NR1D2: variants seen among roughly 807,000 people sequenced by gnomAD.
The protein encoded by NR1D2 is nuclear receptor subfamily 1 group D member 2.
In NR1D2, 25 loss-of-function variants were observed where a neutral mutation model predicts 52.2. The ratio of observed to expected loss-of-function variants is 0.48; its 90% CI spans 0.35 to 0.67. The LOEUF (loss-of-function observed/expected upper bound fraction) is 0.67. Ranked by LOEUF, NR1D2 falls within the 30% of genes least tolerant of loss-of-function variation. The pLI is 0.01. For synonymous variants in NR1D2, 259 were observed against 230.1 expected (o/e 1.13, Z -1.14); for missense variants, 681 against 707.2 (o/e 0.96, Z 0.42).
In NR1D2 at chr3:23,950,600, G is replaced by A. The variant is rs1362000556; in HGVS notation, c.17-3937G>A. Reference sequence around the variant, plus strand: ...AGATGGGTGTCTAGTAGCAAGAATAGATGCCAAGACAACTAAATCAATATT... The same window carrying A: ...AGATGGGTGTCTAGTAGCAAGAATAAATGCCAAGACAACTAAATCAATATT... On this transcript the variant is annotated intron_variant, in intron 1 of 7. Coordinates refer to ENST00000312521, the MANE Select transcript of NR1D2 (RefSeq NM_005126.5). 2.0e-5 allele frequency among the ~76,000 whole-genome samples: 3 copies of A among 152,212 alleles called. No homozygotes were observed. In the East Asian group the frequency reaches 5.8e-4, roughly 29 times the overall value.
intron 1 of NR1D2, among the ~76,000 whole-genome samples, chr3:23,948,147 G>C (rs1301673175): frequency 6.6e-6 from 1 of 151,232 alleles, no homozygotes; most frequent in Non-Finnish European, 1.5e-5. Flanking sequence ...TTTAACTTTC[G>C]AATTTTTGTA....
intron 7 of NR1D2, among the ~76,000 whole-genome samples, chr3:23,972,044 G>A (rs960909949): frequency 2.0e-4 from 30 of 152,150 alleles, no homozygotes; most frequent in African/African-American, 4.6e-4. Flanking sequence ...TCTATTAATT[G>A]TTTAGAATTA....
At chr3:23,947,753 C>G (rs910654758) in intron 1 of NR1D2, among the ~76,000 whole-genome samples, 1 of 152,148 alleles carries the variant, frequency 6.6e-6, no homozygotes, top group Non-Finnish European at 1.5e-5. Context: ...AAGTTCAAAG[C>G]TGTTACAAGC....
chr3:23,953,369 AAATG>A (rs1228954010), intron 1 of NR1D2, among the ~76,000 whole-genome samples: 74 of 149,056 alleles, frequency 5.0e-4, no homozygotes, highest in African/African-American at 1.7e-3. Flanking sequence ...AAAAAAAAAA[AAATG>A]CCAGTTTTCA....
rs761072035 is a variant in NR1D2 at position 23,962,576 on chromosome 3, C to T, written c.1117C>T (p.Leu373=). 2.2e-5 allele frequency: 35 copies of T among 1,606,350 alleles called. No individual in the cohort carries two copies. Among genetic ancestry groups the T allele is most frequent in the Non-Finnish European group, 2.7e-5 (32 of 1,174,132 alleles). ...TCAGAATGAGAACAAGAATAGTTAC[C>T]TGTGCAACACTGGAGGAAGAATGCA... ...FSQNENKNSY[L]CNTGGRMHLV... Residue 373 remains leucine (L), a synonymous_variant, in exon 5 of 8, where the codon CTG becomes TTG. Coordinates refer to ENST00000312521, the MANE Select transcript of NR1D2 (RefSeq NM_005126.5).
At chr3:23,969,808 C>T (rs937390319) in intron 7 of NR1D2, among the ~76,000 whole-genome samples, 1 of 152,112 alleles carries the variant, frequency 6.6e-6, no homozygotes, top group African/African-American at 2.4e-5. Flanking sequence ...AAGGTGAAAT[C>T]ATCTTGGAAG....
chr3:23,963,173 A>C, intron 5 of NR1D2: 4 of 832,998 alleles, frequency 4.8e-6, no homozygotes, highest in Admixed American at 2.2e-5. Flanking sequence ...TGTTGGTCAT[A>C]TCATTGAAGC....
chr3:23,949,851 G>A (rs767906683), intron 1 of NR1D2, among the ~76,000 whole-genome samples: 4 of 152,056 alleles, frequency 2.6e-5, no homozygotes, highest in Non-Finnish European at 5.9e-5. Flanking sequence ...GGGTTTTGAT[G>A]ATGGACAAGT....
intron 7 of NR1D2, among the ~76,000 whole-genome samples, chr3:23,971,539 G>A (rs960082948): frequency 6.6e-6 from 1 of 151,986 alleles, no homozygotes; most frequent in African/African-American, 2.4e-5. Flanking sequence ...AAAGTGTTGG[G>A]ATTATAGGCG....
At chr3:23,975,863 C>T (rs991469832) in intron 7 of NR1D2, among the ~76,000 whole-genome samples, 1 of 152,156 alleles carries the variant, frequency 6.6e-6, no homozygotes, top group Admixed American at 6.5e-5. Context: ...GTTTTAAGTG[C>T]TTTCATGGCA....
At chr3:23,973,526 T>G (rs1193577454) in intron 7 of NR1D2, among the ~76,000 whole-genome samples, 2 of 152,212 alleles carry the variant, frequency 1.3e-5, no homozygotes, top group Admixed American at 1.3e-4. Flanking sequence ...TTACCATGAA[T>G]GCAGCTTACA....
chr3:23,955,886 T>G, intron 2 of NR1D2, 151 bp from the exon 3 acceptor site: 1 of 562,838 alleles, frequency 1.8e-6, no homozygotes, highest in Non-Finnish European at 3.2e-6. Context: ...TGATTACTTT[T>G]GATTTGAAAA....
chr3:23,947,410 G>T (rs984281481), intron 1 of NR1D2, among the ~76,000 whole-genome samples: 1 of 152,002 alleles, frequency 6.6e-6, no homozygotes, highest in Non-Finnish European at 1.5e-5. Context: ...CTTTGTCCTT[G>T]CCCAGCATTG....
rs1705857454 is a variant in NR1D2 at position 23,949,118 on chromosome 3, C to T, written c.16+3524C>T. ...TGGTGGCTCATGCCTGTAATCCTAG[C>T]AATCTGGGAGGCTGAGATGGGCAGA... On this transcript the variant is annotated intron_variant, in intron 1 of 7. Transcript: ENST00000312521. Among the ~76,000 whole-genome samples the T allele has an allele frequency of 2.0e-5, 3 of 152,108 alleles. No individual in the cohort carries two copies. The South Asian group carries it at 6.2e-4, about 31-fold the overall frequency.
At chr3:23,952,387 A>G (rs1216344766) in intron 1 of NR1D2, among the ~76,000 whole-genome samples, 1 of 152,126 alleles carries the variant, frequency 6.6e-6, no homozygotes, top group Non-Finnish European at 1.5e-5. Context: ...TTAAAAATCA[A>G]GTGCATATAG....
At chr3:23,955,410 T>A (rs972340831) in intron 2 of NR1D2, among the ~76,000 whole-genome samples, 1 of 152,246 alleles carries the variant, frequency 6.6e-6, no homozygotes, top group Non-Finnish European at 1.5e-5. Flanking sequence ...CAAAATTTCT[T>A]ATTTCCTGCT....
intron 2 of NR1D2, among the ~76,000 whole-genome samples, chr3:23,955,825 A>C (rs1240051827): frequency 1.3e-5 from 2 of 152,066 alleles, no homozygotes; most frequent in Admixed American, 1.3e-4. Flanking sequence ...TCTATCTTTA[A>C]AACAAAACAA....
chr3:23,968,777 T>A (rs192757155), intron 7 of NR1D2, among the ~76,000 whole-genome samples: 2 of 152,334 alleles, frequency 1.3e-5, no homozygotes. Flanking sequence ...AAATGGAAAT[T>A]GAGGTACTTT....
At chr3:23,969,148 T>C (rs2125295794) in intron 7 of NR1D2, among the ~76,000 whole-genome samples, 1 of 152,158 alleles carries the variant, frequency 6.6e-6, no homozygotes, top group South Asian at 2.1e-4. Context: ...TAGCCGGGCA[T>C]GGTGGCACGT....
Sources: gnomAD v4.1 joint callset for allele counts (sites outside exome capture counted in the v4.1 genomes callset) on GRCh38, gnomAD v4.1.1 for gene constraint, MANE v1.5 for transcripts, NCBI Gene and HGNC (gene_info 2026-07-23, HGNC 2026-07-21) for gene names.